Variants in CSGALNACT1 observed in about 807,000 individuals in gnomAD.
CSGALNACT1 encodes chondroitin sulfate N-acetylgalactosaminyltransferase 1.
CSGALNACT1 carries 52 observed loss-of-function variants against 51.0 expected under a neutral mutation model. That is an observed-to-expected ratio of 1.02 (90% CI 0.82 to 1.29). The LOEUF is 1.29. CSGALNACT1 is among the 50% of genes most tolerant of loss of function. The pLI, the probability that CSGALNACT1 is intolerant of heterozygous loss-of-function variation, is 0.00. For missense variants in CSGALNACT1, 935 were observed against 679.2 expected, an observed-to-expected ratio of 1.38 and a Z score of -4.19; for synonymous variants, 341 against 254.4, an observed-to-expected ratio of 1.34 and a Z score of -3.24.
intron 3 of CSGALNACT1, among the ~76,000 whole-genome samples, chr8:19,513,340 T>C (rs964328163): frequency 4.6e-5 from 7 of 151,208 alleles, no homozygotes; most frequent in African/African-American, 1.2e-4. Context: ...CGAAAGCCAC[T>C]ATAATGATTG....
intron 3 of CSGALNACT1, among the ~76,000 whole-genome samples, chr8:19,579,896 C>G (rs985032542): frequency 3.3e-5 from 5 of 151,994 alleles, no homozygotes; most frequent in African/African-American, 9.7e-5. Context: ...AGAACAATTA[C>G]AAAAGCTGGA....
chr8:19,583,207 T>C (rs892071019), intron 3 of CSGALNACT1, among the ~76,000 whole-genome samples: 1 of 152,206 alleles, frequency 6.6e-6, no homozygotes, highest in Non-Finnish European at 1.5e-5. Context: ...TCTTAAATCA[T>C]GTAGAAGACA....
chr8:19,556,400 ATGATTTTATT>A (rs1440459994), intron 3 of CSGALNACT1, among the ~76,000 whole-genome samples: 1 of 150,598 alleles, frequency 6.6e-6, no homozygotes, highest in East Asian at 1.9e-4. Flanking sequence ...AAAAAAAAAG[ATGATTTTATT>A]ATGGAACAAA....
chr8:19,456,450 G>GA (rs1338879068), intron 5 of CSGALNACT1, among the ~76,000 whole-genome samples: 1 of 152,236 alleles, frequency 6.6e-6, no homozygotes, highest in Admixed American at 6.5e-5. Flanking sequence ...TCTAGCTGCT[G>GA]AGAGTAATGA....
intron 1 of CSGALNACT1, among the ~76,000 whole-genome samples, chr8:19,633,462 G>A (rs371119082): frequency 2.6e-5 from 4 of 152,182 alleles, no homozygotes; most frequent in East Asian, 1.9e-4. Flanking sequence ...TAGGCTCATC[G>A]CAGATATAAT....
At chr8:19,483,286 A>G (rs13267569) in intron 4 of CSGALNACT1, among the ~76,000 whole-genome samples, 93,213 of 152,140 alleles carry the variant, frequency 0.61, 29,806 homozygotes, top group East Asian at 0.86. Context: ...AAGCCCTTCA[A>G]TGGCTCCCTG....
intron 3 of CSGALNACT1, among the ~76,000 whole-genome samples, chr8:19,552,720 A>G (rs933300577): frequency 6.6e-6 from 1 of 152,240 alleles, no homozygotes; most frequent in Non-Finnish European, 1.5e-5. Flanking sequence ...TCTTTGCAAC[A>G]GATTGCACTG....
chr8:19,654,709 A>G (rs1243614551), intron 1 of CSGALNACT1, among the ~76,000 whole-genome samples: 1 of 151,876 alleles, frequency 6.6e-6, no homozygotes, highest in South Asian at 2.1e-4. Flanking sequence ...ACGCCCAGCT[A>G]ATTTTTTGTA....
At chr8:19,605,129 A>C (rs1189334501), upstream of CSGALNACT1, among the ~76,000 whole-genome samples, 1 of 152,328 alleles carries the variant, frequency 6.6e-6, no homozygotes, top group South Asian at 2.1e-4. Context: ...AGTATTTGCC[A>C]AAAGCAAAAA....
chr8:19,505,591 G>A lies in CSGALNACT1; in HGVS notation c.244C>T (p.Leu82Phe), dbSNP rs1405117515. 6 of 1,613,966 alleles carry A rather than the reference G, an allele frequency of 3.7e-6. No individual in the cohort carries two copies. Among genetic ancestry groups the A allele is most frequent in the Middle Eastern group, 1.6e-4 (1 of 6,084 alleles). ...CTCCTCTCCTGCAGCTCCTCCTTGAGCTGTGCGATCTGCCGCTTCAGGCTG... is the reference window on the plus strand; with the variant it reads ...CTCCTCTCCTGCAGCTCCTCCTTGAACTGTGCGATCTGCCGCTTCAGGCTG... The change falls in exon 4 of 10, where the codon CTC (leucine) becomes TTC (phenylalanine). Residue 82 changes from leucine (L) to phenylalanine (F), a missense_variant. Transcript: ENST00000454498.
At chr8:19,637,856 T>TA (rs2056279013) in intron 1 of CSGALNACT1, among the ~76,000 whole-genome samples, 1 of 151,080 alleles carries the variant, frequency 6.6e-6, no homozygotes, top group Non-Finnish European at 1.5e-5. Context: ...TTTTTTTTTT[T>TA]AAACAAACAT....
At chr8:19,741,813 G>A (rs1024642321) in intron 1 of CSGALNACT1, among the ~76,000 whole-genome samples, 1 of 152,146 alleles carries the variant, frequency 6.6e-6, no homozygotes, top group South Asian at 2.1e-4. Context: ...TTAAGGTAAT[G>A]CTAGCTTTAT....
At chr8:19,605,550 G>T (rs2051252525), upstream of CSGALNACT1, among the ~76,000 whole-genome samples, 1 of 152,216 alleles carries the variant, frequency 6.6e-6, no homozygotes. Flanking sequence ...CACAGAGAGT[G>T]AGGATTCCGA....
intron 1 of CSGALNACT1, among the ~76,000 whole-genome samples, chr8:19,664,310 G>A (rs548325581): frequency 6.6e-6 from 1 of 152,228 alleles, no homozygotes; most frequent in East Asian, 1.9e-4. Flanking sequence ...AGTCAGAATG[G>A]CTACTATTAA....
At chr8:19,626,590 A>G (rs2054487230) in intron 1 of CSGALNACT1, among the ~76,000 whole-genome samples, 1 of 152,220 alleles carries the variant, frequency 6.6e-6, no homozygotes, top group Admixed American at 6.5e-5. Context: ...ATTTCAATTC[A>G]TTATAAATTT....
intron 6 of CSGALNACT1, among the ~76,000 whole-genome samples, chr8:19,428,238 A>T (rs116658451): frequency 0.013 from 1,932 of 152,268 alleles, 37 homozygotes; most frequent in African/African-American, 0.04. Context: ...GTCTGTTTTC[A>T]CACTGCTAAT....
intron 5 of CSGALNACT1, chr8:19,457,704 C>A (rs1271950634): frequency 7.5e-7 from 1 of 1,327,078 alleles, no homozygotes; most frequent in South Asian, 1.2e-5. Flanking sequence ...GGTGAAATCA[C>A]TTAGCTGGTT....
chr8:19,502,599 C>G (rs1465346630), intron 4 of CSGALNACT1, among the ~76,000 whole-genome samples: 3 of 152,184 alleles, frequency 2.0e-5, no homozygotes, highest in African/African-American at 7.2e-5. Flanking sequence ...CTGTTTCTAA[C>G]CAACTTTTCC....
chr8:19,577,401 C>CAAAAAAAAAAAAAAAAAAAAAAAAAAAAA (rs111734132), intron 3 of CSGALNACT1, among the ~76,000 whole-genome samples: 3 of 104,260 alleles, frequency 2.9e-5, no homozygotes, highest in African/African-American at 1.3e-4. Flanking sequence ...CCCACCTCTA[C>CAAAAAAAAAAAAAAAAAAAAAAAAAAAAA]AAAAAAAAAA....
Sources: gnomAD v4.1 joint callset for allele counts (sites outside exome capture counted in the v4.1 genomes callset) on GRCh38, gnomAD v4.1.1 for gene constraint, MANE v1.5 for transcripts, NCBI Gene and HGNC (gene_info 2026-07-23, HGNC 2026-07-21) for gene names.